ENOX2: variants seen among roughly 807,000 people sequenced by gnomAD.
ENOX2 encodes the protein APK1 antigen.
Under a neutral mutation model 45.0 loss-of-function variants are expected in ENOX2, and 36 were observed. That is an observed-to-expected ratio of 0.80 (90% CI 0.61 to 1.06). The LOEUF (loss-of-function observed/expected upper bound fraction) is 1.06. ENOX2 is among the 50% of genes least tolerant of loss of function. ENOX2 has a pLI of 0.00. For synonymous variants in ENOX2, 174 were observed against 152.3 expected (o/e 1.14, Z -1.05); for missense variants, 423 against 462.5 (o/e 0.91, Z 0.78).
rs139352291 is a variant in ENOX2, at chrX:130,826,862, A to G, written c.-182-43172T>C. Among the ~76,000 whole-genome samples the G allele has an allele frequency of 5.9e-3, 661 of 111,690 alleles. 7 individuals carry two copies. Among genetic ancestry groups the G allele is most frequent in the African/African-American group, 0.02 (620 of 30,788 alleles). The stretch of plus-strand genomic sequence containing the variant: ...GACCAGTGGTTTCTGAGTCTATGTT[A>G]ATATCAGGAAATTATACTCACTTAT... On this transcript the variant is annotated intron_variant, in intron 2 of 14. Transcript: ENST00000394363.
At chrX:130,813,383 A>G (rs1371651547) in intron 2 of ENOX2, among the ~76,000 whole-genome samples, 3 of 112,630 alleles carry the variant, frequency 2.7e-5, no homozygotes, top group Non-Finnish European at 1.9e-5. Flanking sequence ...AATCAATGCA[A>G]TATGGATTAG....
rs1399309682 is a variant in ENOX2, at chrX:130,711,454, T to C, written c.-38-8200A>G. ...TGTAATACAAGGCTCCCAGATGGCT[T>C]GAGAGAGATGATGCTATTAGACAAG... On this transcript the variant is annotated intron_variant, in intron 3 of 14. Transcript: ENST00000394363. Among the ~76,000 whole-genome samples the C allele has an allele frequency of 3.6e-5, 4 of 110,094 alleles. No homozygotes were observed. The East Asian group carries it at 1.2e-3, about 32-fold the overall frequency.
intron 9 of ENOX2, among the ~76,000 whole-genome samples, chrX:130,659,933 T>TA (rs59447399): frequency 8.9e-6 from 1 of 112,068 alleles, no homozygotes; most frequent in African/African-American, 3.2e-5. Context: ...CATAAAAAGT[T>TA]AAAAAAATAT....
At chrX:130,784,552 G>C (rs112774704) in intron 2 of ENOX2, among the ~76,000 whole-genome samples, 9 of 109,774 alleles carry the variant, frequency 8.2e-5, no homozygotes, top group South Asian at 4.0e-4. Flanking sequence ...CCTATCAAAG[G>C]GGGGGAAATC....
intron 3 of ENOX2, among the ~76,000 whole-genome samples, chrX:130,733,281 C>T (rs1209861827): frequency 9.1e-6 from 1 of 110,447 alleles, no homozygotes; most frequent in Non-Finnish European, 1.9e-5. Context: ...AAATGCTCAA[C>T]ATCACTAATC....
At position 130,667,553 on chromosome X, in the gene ENOX2, G is replaced by A. The variant is rs1223041803; in HGVS notation, c.884C>T (p.Ala295Val). Residue 295 changes from alanine to valine, a missense_variant, in exon 8 of 15, where the codon GCC (alanine) becomes GTC (valine). Physicochemically the swap from Ala to Val is moderately conservative, Grantham distance 64. This residue lies in a region of ENOX2 where 261 missense variants were observed against 306.8 expected (regional missense o/e 0.85). Transcript: ENST00000394363. ...MEEAKEKFKQALSGILIQFEQ... is the reference protein window; with the variant it reads ...MEEAKEKFKQVLSGILIQFEQ... ...ACATTGAATGAGAATTCCAGAAAGG[G>A]CCTGCTTGAACTTCTCCTTTGCTTC... 2 of 1,208,197 alleles carry A rather than the reference G, an allele frequency of 1.7e-6. No individual in the cohort carries two copies. Among genetic ancestry groups the A allele is most frequent in the Non-Finnish European group, 2.2e-6 (2 of 893,852 alleles).
chrX:130,893,597 A>G (rs935732828), intron 2 of ENOX2, among the ~76,000 whole-genome samples: 1 of 112,527 alleles, frequency 8.9e-6, no homozygotes, highest in East Asian at 2.8e-4. Context: ...ACTTCATCCT[A>G]TGGATAATGG....
chrX:130,813,318 C>A (rs2077424082), intron 2 of ENOX2, among the ~76,000 whole-genome samples: 2 of 112,304 alleles, frequency 1.8e-5, no homozygotes, highest in South Asian at 7.4e-4. Flanking sequence ...GCTGGGAAAA[C>A]CGTATATGCA....
intron 2 of ENOX2, among the ~76,000 whole-genome samples, chrX:130,870,101 A>G (rs914566924): frequency 7.2e-5 from 8 of 111,390 alleles, no homozygotes; most frequent in African/African-American, 2.6e-4. Flanking sequence ...AGATGATCCA[A>G]GTAAAAGCCA....
At chrX:130,787,256 T>A (rs2148404480) in intron 2 of ENOX2, among the ~76,000 whole-genome samples, 1 of 112,262 alleles carries the variant, frequency 8.9e-6, no homozygotes, top group Non-Finnish European at 1.9e-5. Flanking sequence ...CCCTGACTTA[T>A]TAAGTAGATG....
At chrX:130,761,130 C>G (rs932263024) in intron 3 of ENOX2, among the ~76,000 whole-genome samples, 6 of 111,296 alleles carry the variant, frequency 5.4e-5, no homozygotes, top group East Asian at 5.6e-4. Flanking sequence ...CTGCACTTTT[C>G]ACTTTGGGCT....
At chrX:130,806,250 T>C (rs1375406289) in intron 2 of ENOX2, among the ~76,000 whole-genome samples, 1 of 112,322 alleles carries the variant, frequency 8.9e-6, no homozygotes. Context: ...AGCCTTTTAC[T>C]GTTACAGAAC....
chrX:130,625,773 G>A (rs2035527946), intron 14 of ENOX2, among the ~76,000 whole-genome samples: 1 of 111,378 alleles, frequency 9.0e-6, no homozygotes, highest in African/African-American at 3.3e-5. Flanking sequence ...AAGCTGCTGA[G>A]CCTTTTGGGA....
At chrX:130,763,237 G>A (rs933234974) in intron 3 of ENOX2, among the ~76,000 whole-genome samples, 2 of 110,605 alleles carry the variant, frequency 1.8e-5, no homozygotes, top group Admixed American at 1.9e-4. Flanking sequence ...GGGTGTTATT[G>A]CCTCATTATT....
At chrX:130,829,652 A>G (rs5977383) in intron 2 of ENOX2, among the ~76,000 whole-genome samples, 12,760 of 111,194 alleles carry the variant, frequency 0.11, 1,352 homozygotes, top group African/African-American at 0.34. Context: ...TACATGCCAG[A>G]AACTGTTCTA....
chrX:130,792,730 T>C (rs1326976216), intron 2 of ENOX2, among the ~76,000 whole-genome samples: 1 of 111,276 alleles, frequency 9.0e-6, no homozygotes, highest in Non-Finnish European at 1.9e-5. Context: ...GTGGCGGAGG[T>C]TGCAGTGGGC....
intron 3 of ENOX2, among the ~76,000 whole-genome samples, chrX:130,744,414 A>G (rs1166069838): frequency 8.9e-6 from 1 of 112,451 alleles, no homozygotes; most frequent in Admixed American, 9.4e-5. Flanking sequence ...AGAGAGAGAC[A>G]CATTTATTTA....
At chrX:130,787,069 T>C (rs764329909) in intron 2 of ENOX2, among the ~76,000 whole-genome samples, 17 of 99,083 alleles carry the variant, frequency 1.7e-4, no homozygotes, top group Middle Eastern at 4.9e-3. Context: ...GCACCTGTTG[T>C]TTCCTGACTT....
At chrX:130,856,340 T>C (rs2078308136) in intron 2 of ENOX2, among the ~76,000 whole-genome samples, 1 of 112,402 alleles carries the variant, frequency 8.9e-6, no homozygotes, top group Non-Finnish European at 1.9e-5. Context: ...AATGGTGGAA[T>C]GGCTTTTTGA....
Sources: gnomAD v4.1 joint callset for allele counts (sites outside exome capture counted in the v4.1 genomes callset) on GRCh38, gnomAD v4.1.1 for gene constraint, gnomAD v4.1.1 regional missense constraint, MANE v1.5 for transcripts, NCBI Gene and HGNC (gene_info 2026-07-23, HGNC 2026-07-21) for gene names.